CDK14: variants seen among roughly 807,000 people sequenced by gnomAD.
CDK14 encodes cyclin dependent kinase 14, also known as cyclin-dependent kinase 14.
A neutral mutation model predicts 60.7 loss-of-function variants in CDK14; 34 were observed. The observed-to-expected ratio is 0.56, with a 90% CI of 0.43 to 0.75. CDK14 has a LOEUF of 0.75. CDK14 is among the 30% of genes least tolerant of loss of function. CDK14 has a pLI of 0.00. For missense variants in CDK14, 482 were observed against 564.1 expected (o/e 0.85, Z 1.47); for synonymous variants, 197 against 203.7 (o/e 0.97, Z 0.28).
intron 2 of CDK14, among the ~76,000 whole-genome samples, chr7:90,687,596 T>C (rs975565281): frequency 6.6e-6 from 1 of 152,016 alleles, no homozygotes; most frequent in Non-Finnish European, 1.5e-5. Flanking sequence ...ACTAAATGTG[T>C]AATGAGATGG....
Position 90,760,644 on chromosome 7 carries a change from TTCAAAGA to T in CDK14, c.464+12874_464+12880del, listed in dbSNP as rs1277100058. Among the ~76,000 whole-genome samples, 6 of 152,334 alleles carry T rather than the reference TTCAAAGA, an allele frequency of 3.9e-5. No individual in the cohort carries two copies. In the South Asian group the frequency reaches 1.2e-3, roughly 32 times the overall value. Reference sequence around the variant, plus strand: ...ACCAAAGCTTATTATTACAGCTCACTTCAAAGATCAAGCCTGTAACTGCACTATTTAA... The same window carrying T: ...ACCAAAGCTTATTATTACAGCTCACTTCAAGCCTGTAACTGCACTATTTAA... On this transcript the variant is annotated intron_variant, in intron 4 of 14. Transcript: ENST00000380050.
At chr7:90,776,598 A>T (rs1332827214) in intron 4 of CDK14, among the ~76,000 whole-genome samples, 1 of 152,132 alleles carries the variant, frequency 6.6e-6, no homozygotes, top group East Asian at 1.9e-4. Flanking sequence ...AAGTGCAAGC[A>T]CTCACCTCCT....
chr7:90,770,950 G>A (rs1474667902), intron 4 of CDK14, among the ~76,000 whole-genome samples: 1 of 152,160 alleles, frequency 6.6e-6, no homozygotes, highest in Admixed American at 6.5e-5. Context: ...ACCAGTTTTA[G>A]CAAGAGTCTT....
chr7:90,989,073 G>A, intron 10 of CDK14, among the ~76,000 whole-genome samples: 1 of 151,508 alleles, frequency 6.6e-6, no homozygotes, highest in South Asian at 2.1e-4. Context: ...ACTCAGTCTG[G>A]CTTTTGAGTT....
In CDK14 at chr7:91,118,142, A is replaced by G. The variant is rs772202719; in HGVS notation, c.1372A>G (p.Asn458Asp). Residue 458 changes from asparagine (N) to aspartate (D), a missense_variant, in exon 14 of 15, where the codon AAT (asparagine) becomes GAT (aspartate). Coordinates refer to ENST00000380050, the MANE Select transcript of CDK14 (RefSeq NM_001287135.2). ...GESMRAFGKN[N>D]SYGKSLSNSK... ...AAGCATGCGGGCCTTTGGGAAAAAC[A>G]ATAGTTATGGCAAAAGTCTATCAAA... The G allele has an allele frequency of 3.1e-6, 5 of 1,613,658 alleles. 1 individual carries two copies. In the Admixed American group the frequency reaches 6.7e-5, roughly 22 times the overall value.
chr7:91,118,254 G>GAA, intron 14 of CDK14, 46 bp downstream of exon 14: 1 of 870,614 alleles, frequency 1.1e-6, no homozygotes, highest in Non-Finnish European at 1.9e-6. Flanking sequence ...AATGGATATT[G>GAA]AACGGATTCT....
At chr7:91,081,836 C>G (rs975903145) in intron 12 of CDK14, among the ~76,000 whole-genome samples, 1 of 151,728 alleles carries the variant, frequency 6.6e-6, no homozygotes, top group African/African-American at 2.4e-5. Context: ...AACAGATATC[C>G]AAATTCAAAA....
At chr7:91,132,418 G>A (rs1176030378) in intron 14 of CDK14, among the ~76,000 whole-genome samples, 1 of 152,074 alleles carries the variant, frequency 6.6e-6, no homozygotes, top group Non-Finnish European at 1.5e-5. Context: ...CGCAGAGAAA[G>A]TCATTTGAAG....
intron 5 of CDK14, among the ~76,000 whole-genome samples, chr7:90,820,585 A>G (rs1411490042): frequency 6.6e-6 from 1 of 152,182 alleles, no homozygotes; most frequent in Admixed American, 6.6e-5. Flanking sequence ...AGGCCTCCCC[A>G]GCCATGTGGA....
At chr7:91,102,333 C>T (rs1379840067) in intron 12 of CDK14, among the ~76,000 whole-genome samples, 3 of 152,116 alleles carry the variant, frequency 2.0e-5, no homozygotes, top group Admixed American at 6.6e-5. Context: ...AATAGTATCC[C>T]GTCACCATAT....
At chr7:90,703,492 A>G (rs10282713) in intron 2 of CDK14, among the ~76,000 whole-genome samples, 61,445 of 151,998 alleles carry the variant, frequency 0.4, 12,988 homozygotes, top group East Asian at 0.67. Flanking sequence ...TAAGTAATAA[A>G]TACATAAATG....
chr7:90,823,137 C>T (rs997969520), intron 5 of CDK14, among the ~76,000 whole-genome samples: 1 of 152,098 alleles, frequency 6.6e-6, no homozygotes, highest in Non-Finnish European at 1.5e-5. Context: ...CTAGGGAGGA[C>T]TTGGAGGCTG....
intron 6 of CDK14, among the ~76,000 whole-genome samples, chr7:90,870,022 G>C (rs1438631190): frequency 1.3e-5 from 2 of 152,202 alleles, no homozygotes; most frequent in African/African-American, 4.8e-5. Flanking sequence ...TGTTTTGACT[G>C]CACAGGACCA....
At chr7:90,668,714 T>TTTTTTTTTTTTTTTG in intron 2 of CDK14, among the ~76,000 whole-genome samples, 1 of 141,946 alleles carries the variant, frequency 7.0e-6, no homozygotes, top group Non-Finnish European at 1.5e-5. Flanking sequence ...TTTTTTTTTT[T>TTTTTTTTTTTTTTTG]TTTTTTTTTT....
rs149009788 is a variant in CDK14 at position 91,088,337 on chromosome 7, TA to T, written c.1154+8860del. 8.1e-3 allele frequency among the ~76,000 whole-genome samples: 1,232 copies of T among 152,312 alleles called. 18 individuals carry two copies. Among genetic ancestry groups the T allele is most frequent in the African/African-American group, 0.027 (1,138 of 41,578 alleles). On this transcript the variant is annotated intron_variant, in intron 12 of 14. Transcript: ENST00000380050. ...ATACCCTAAGGCACAGATCCCATGT[TA>T]AACGGTTATTTCCATCATGGCAGTG...
intron 5 of CDK14, among the ~76,000 whole-genome samples, chr7:90,812,859 T>C (rs1488852810): frequency 6.6e-6 from 1 of 152,154 alleles, no homozygotes; most frequent in Non-Finnish European, 1.5e-5. Flanking sequence ...AGTTTGACTG[T>C]TTTTTAAAGG....
chr7:91,179,059 A>C lies in CDK14; in HGVS notation c.*29-28106A>C, dbSNP rs564872942. 1.8e-3 allele frequency among the ~76,000 whole-genome samples: 279 copies of C among 152,306 alleles called. 1 individual carries two copies. The highest frequency in any genetic ancestry group is 6.4e-3 in the African/African-American group (264 of 41,560). ...ATAGCAAAGACTTGGAACCAACCCAAATGTCCAACAATGATAGACTGGATT... is the reference window on the plus strand; with the variant it reads ...ATAGCAAAGACTTGGAACCAACCCACATGTCCAACAATGATAGACTGGATT... On this transcript the variant is annotated intron_variant, in intron 14 of 14. Transcript: ENST00000380050.
chr7:90,873,974 G>A (rs769137534), intron 6 of CDK14, among the ~76,000 whole-genome samples: 4 of 151,914 alleles, frequency 2.6e-5, no homozygotes, highest in Non-Finnish European at 4.4e-5. Flanking sequence ...ATAAATCTTT[G>A]TAGCCAAGAC....
intron 14 of CDK14, among the ~76,000 whole-genome samples, chr7:91,130,387 A>G (rs1445086786): frequency 2.0e-5 from 3 of 152,192 alleles, no homozygotes; most frequent in African/African-American, 7.2e-5. Flanking sequence ...AATTTTGAAT[A>G]TGGTAAGTAT....
Sources: allele counts gnomAD v4.1 joint callset (sites outside exome capture counted in the v4.1 genomes callset), GRCh38; gene constraint gnomAD v4.1.1; transcripts MANE v1.5; gene names NCBI Gene and HGNC (gene_info 2026-07-23, HGNC 2026-07-21).